The following RREB1 variants were observed in gnomAD, a reference collection of about 807,000 sequenced individuals.
RREB1 encodes the protein ras responsive element binding protein 1.
RREB1 carries 27 observed loss-of-function variants against 117.8 expected under a neutral mutation model. The ratio of observed to expected loss-of-function variants is 0.23; its 90% CI spans 0.17 to 0.32. RREB1 has a LOEUF of 0.32. Among genes scored for constraint, RREB1 ranks in the 10% least tolerant of loss-of-function variants. The pLI is 1.00. For missense variants in RREB1, 2,577 were observed against 2,378.2 expected (o/e 1.08, Z -1.74); for synonymous variants, 1,298 against 1,026.7 (o/e 1.26, Z -5.05).
chr6:7,202,048 A>C (rs1766016492), intron 6 of RREB1, among the ~76,000 whole-genome samples: 1 of 152,010 alleles, frequency 6.6e-6, no homozygotes, highest in African/African-American at 2.4e-5. Flanking sequence ...CTTTGGATTC[A>C]TTTATATTCA....
At chr6:7,140,760 C>T (rs1762529276) in intron 1 of RREB1, 1 of 152,264 alleles carries the variant, frequency 6.6e-6, no homozygotes, top group African/African-American at 2.4e-5. Context: ...AGAGTTGTTC[C>T]TTAGGGTGGT....
chr6:7,229,890 G>A lies in RREB1; in HGVS notation c.1791G>A (p.Glu597=), dbSNP rs1767819278. 4 of 1,609,136 alleles carry A rather than the reference G, an allele frequency of 2.5e-6. 1 individual carries two copies. Among genetic ancestry groups the A allele is most frequent in the South Asian group, 2.2e-5 (2 of 90,830 alleles). ...PGQPEMKTQL[E]QDSIIEALLP... is the part of the protein sequence containing the mutation. ...AGCCTGAGATGAAGACGCAGCTGGA[G>A]CAGGACAGCATCATCGAGGCCCTGC... Residue 597 remains glutamate, a synonymous_variant, in exon 10 of 13, where the codon GAG becomes GAA. Coordinates refer to ENST00000379938, the MANE Select transcript of RREB1 (RefSeq NM_001003699.4). This position sits in a 1 kb window ranked among gnomAD's most constrained non-coding sequence, Gnocchi z 4.5.
At chr6:7,191,485 A>C (rs1345854880) in intron 6 of RREB1, among the ~76,000 whole-genome samples, 2 of 152,194 alleles carry the variant, frequency 1.3e-5, no homozygotes, top group Non-Finnish European at 2.9e-5. Context: ...GTAGACACTT[A>C]GGAATGGAAT....
At chr6:7,158,271 G>C (rs566906615) in intron 1 of RREB1, among the ~76,000 whole-genome samples, 3 of 152,152 alleles carry the variant, frequency 2.0e-5, no homozygotes, top group Admixed American at 2.0e-4. Context: ...CCTCCCCTTT[G>C]AAAGTTGTTC....
intron 6 of RREB1, among the ~76,000 whole-genome samples, chr6:7,201,161 T>TC (rs1765955280): frequency 6.6e-6 from 1 of 152,098 alleles, no homozygotes; most frequent in South Asian, 2.1e-4. Flanking sequence ...CCAGGTGTCC[T>TC]CTCCCACCAT....
At chr6:7,200,823 C>T (rs1765934189) in intron 6 of RREB1, among the ~76,000 whole-genome samples, 1 of 152,194 alleles carries the variant, frequency 6.6e-6, no homozygotes. Flanking sequence ...ATTTGGCCAA[C>T]TGGATGCTAA....
chr6:7,198,832 A>T (rs957304458), intron 6 of RREB1, among the ~76,000 whole-genome samples: 2 of 152,218 alleles, frequency 1.3e-5, no homozygotes, highest in Non-Finnish European at 2.9e-5. Flanking sequence ...TTCCATGATC[A>T]TTCCACTTAA....
At chr6:7,133,711 C>A (rs948372447) in intron 1 of RREB1, among the ~76,000 whole-genome samples, 2 of 152,032 alleles carry the variant, frequency 1.3e-5, no homozygotes, top group Non-Finnish European at 2.9e-5. Context: ...TTTCACTGCA[C>A]CTATGCCCAT....
At chr6:7,136,496 G>A (rs879565930) in intron 1 of RREB1, among the ~76,000 whole-genome samples, 2 of 152,068 alleles carry the variant, frequency 1.3e-5, no homozygotes, top group Non-Finnish European at 2.9e-5. Context: ...GGCCGGTCTC[G>A]AACTCCTGGG....
chr6:7,176,080 C>G (rs1026381355), intron 1 of RREB1, among the ~76,000 whole-genome samples: 1 of 152,162 alleles, frequency 6.6e-6, no homozygotes, highest in African/African-American at 2.4e-5. Flanking sequence ...CCACACCCAG[C>G]TGATTTTTGT....
intron 6 of RREB1, among the ~76,000 whole-genome samples, chr6:7,199,631 C>T (rs1765840265): frequency 6.6e-6 from 1 of 151,262 alleles, no homozygotes; most frequent in Non-Finnish European, 1.5e-5. Context: ...TGTGTGTGTG[C>T]TTGGGTTTTG....
chr6:7,166,990 T>G (rs1276713781), intron 1 of RREB1, among the ~76,000 whole-genome samples: 1 of 152,212 alleles, frequency 6.6e-6, no homozygotes, highest in Non-Finnish European at 1.5e-5. Flanking sequence ...CCGAAGATAC[T>G]TAGATTCACT....
At chr6:7,173,334 T>G (rs1246214944) in intron 1 of RREB1, among the ~76,000 whole-genome samples, 1 of 151,898 alleles carries the variant, frequency 6.6e-6, no homozygotes, top group Non-Finnish European at 1.5e-5. Flanking sequence ...CTGGCAAACA[T>G]GGCGAAACCC....
chr6:7,223,257 TA>T (rs59558597), intron 8 of RREB1, among the ~76,000 whole-genome samples: 352 of 97,282 alleles, frequency 3.6e-3, no homozygotes, highest in Middle Eastern at 0.015. Context: ...ACTCTCTTTT[TA>T]AAAAAAAAAA....
chr6:7,200,279 T>C (rs887679829), intron 6 of RREB1, among the ~76,000 whole-genome samples: 7 of 117,036 alleles, frequency 6.0e-5, no homozygotes, highest in South Asian at 2.4e-4. Context: ...TGTGTGTGTG[T>C]GTATTTTTTT....
At chr6:7,118,580 T>A (rs1367759987) in intron 1 of RREB1, among the ~76,000 whole-genome samples, 1 of 152,220 alleles carries the variant, frequency 6.6e-6, no homozygotes, top group Non-Finnish European at 1.5e-5. Context: ...ATTAAAAGTT[T>A]AAAACCAAGT....
intron 1 of RREB1, among the ~76,000 whole-genome samples, chr6:7,154,917 G>C (rs1349322126): frequency 6.6e-6 from 1 of 152,080 alleles, no homozygotes; most frequent in Non-Finnish European, 1.5e-5. Flanking sequence ...AGCTTCATTC[G>C]TTGGTGGTTT....
chr6:7,143,851 C>CTTT (rs11365387), intron 1 of RREB1, among the ~76,000 whole-genome samples: 31 of 89,260 alleles, frequency 3.5e-4, no homozygotes, highest in African/African-American at 5.9e-4. Flanking sequence ...TTTTTTCTTT[C>CTTT]TTTTTTTTTT....
chr6:7,192,995 C>T (rs186398538), intron 6 of RREB1, among the ~76,000 whole-genome samples: 1 of 152,236 alleles, frequency 6.6e-6, no homozygotes, highest in African/African-American at 2.4e-5. Flanking sequence ...CTTTTTCATT[C>T]ATCTCAGCAT....
Sources: gnomAD v4.1 joint callset for allele counts (sites outside exome capture counted in the v4.1 genomes callset) on GRCh38, gnomAD v4.1.1 for gene constraint, Gnocchi (gnomAD v3.1) non-coding constraint, MANE v1.5 for transcripts, NCBI Gene and HGNC (gene_info 2026-07-23, HGNC 2026-07-21) for gene names.